The following LRRC7 variants were observed in gnomAD, a reference collection of about 807,000 sequenced individuals.
The protein encoded by LRRC7 is leucine-rich repeat-containing protein 7.
Under a neutral mutation model 175.7 loss-of-function variants are expected in LRRC7, and 23 were observed. That is an observed-to-expected ratio of 0.13 (90% confidence interval 0.09 to 0.19). LRRC7 has a LOEUF of 0.19. LRRC7 is among the 10% of genes least tolerant of loss of function. The pLI is 1.00. For synonymous variants in LRRC7, 685 were observed against 680.9 expected (o/e 1.01, Z -0.09); for missense variants, 1,354 against 1,904.7 (o/e 0.71, Z 5.38).
chr1:69,878,730 A>G (rs1196780225), intron 7 of LRRC7, among the ~76,000 whole-genome samples: 1 of 151,724 alleles, frequency 6.6e-6, no homozygotes, highest in East Asian at 1.9e-4. Flanking sequence ...TAATGCAGCT[A>G]ATGGGATAAA....
intron 1 of LRRC7, among the ~76,000 whole-genome samples, chr1:69,613,755 A>G (rs1241017374): frequency 6.6e-6 from 1 of 152,096 alleles, no homozygotes; most frequent in Non-Finnish European, 1.5e-5. Flanking sequence ...AGATTTGGCA[A>G]GCAGAAGCAT....
rs760146345 is a variant in LRRC7, at chr1:70,012,952, T to G, written c.1135-22T>G. The G allele has an allele frequency of 3.1e-5, 41 of 1,304,660 alleles. 1 individual carries two copies. In the South Asian group the frequency reaches 5.7e-4, roughly 18 times the overall value. 80.8% of individuals were successfully genotyped at this position (1,304,660 alleles called of 1,614,324 possible). ...AGTATTGTGGTCTGATTTTTTTACC[T>G]ATTTTCTTTTGTTACCTACAGATTG... On this transcript the variant is annotated intron_variant, in intron 12 of 26. Coordinates refer to ENST00000651989, the MANE Select transcript of LRRC7 (RefSeq NM_001370785.2).
chr1:70,141,776 C>CTT lies in LRRC7; in HGVS notation c.*19890_*19891dup, dbSNP rs2102291423. ...ATTTTCCTATATTAAGAAAAGGTTT[C>CTT]TTATATTGAAAACTTTTATGGTGAC... On this transcript the variant is annotated 3_prime_UTR_variant, in exon 27 of 27. Coordinates refer to ENST00000651989, the MANE Select transcript of LRRC7 (RefSeq NM_001370785.2). 6.6e-6 allele frequency: 1 copy of CTT among 152,108 alleles called. No homozygotes were observed. The highest frequency in any genetic ancestry group is 2.1e-4 in the South Asian group (1 of 4,820). The allele number at this position is 152,108 out of a possible 1,614,324, so 9.4% of individuals were successfully genotyped here. A position where few individuals can be genotyped will look rare whatever the true frequency, so the allele number is the denominator to read the frequency against.
chr1:69,650,557 C>T (rs559424604), intron 1 of LRRC7, among the ~76,000 whole-genome samples: 3 of 90,870 alleles, frequency 3.3e-5, no homozygotes, highest in Admixed American at 2.1e-4. Flanking sequence ...AAAAAAAATG[C>T]CAAGCATCTT....
At chr1:69,860,206 T>A (rs575931267) in intron 7 of LRRC7, among the ~76,000 whole-genome samples, 1 of 152,144 alleles carries the variant, frequency 6.6e-6, no homozygotes, top group Non-Finnish European at 1.5e-5. Flanking sequence ...TGGCATTGTA[T>A]TTTTTGTTTG....
rs773005892 is a variant in LRRC7, at chr1:70,125,057, A to T, written c.*3170A>T. Among the ~76,000 whole-genome samples, 1 of 152,256 alleles carries T rather than the reference A, an allele frequency of 6.6e-6. No homozygotes were observed. Among genetic ancestry groups the T allele is most frequent in the Non-Finnish European group, 1.5e-5 (1 of 68,046 alleles). On this transcript the variant is annotated 3_prime_UTR_variant, in exon 27 of 27. Coordinates refer to ENST00000651989, the MANE Select transcript of LRRC7 (RefSeq NM_001370785.2). ...ATTAAAGCTCTGCTATGATAACTCCAGCCTTCTGATGACAACACAGTAACC... is the reference window on the plus strand; with the variant it reads ...ATTAAAGCTCTGCTATGATAACTCCTGCCTTCTGATGACAACACAGTAACC...
rs544919521 is a variant in LRRC7 at position 70,136,369 on chromosome 1, C to T, written c.*14482C>T. Among the ~76,000 whole-genome samples, 7 of 152,116 alleles carry T rather than the reference C, an allele frequency of 4.6e-5. No individual in the cohort carries two copies. The highest frequency in any genetic ancestry group is 2.1e-4 in the South Asian group (1 of 4,810). On this transcript the variant is annotated 3_prime_UTR_variant, in exon 27 of 27. Transcript: ENST00000651989. ...AGTAATTCTCTTGTAAGTCTGCCTCCGGACCATTCTAAGGTTTGTCCTCTA... is the reference window on the plus strand; with the variant it reads ...AGTAATTCTCTTGTAAGTCTGCCTCTGGACCATTCTAAGGTTTGTCCTCTA...
At chr1:69,951,474 A>G (rs1557924203) in intron 8 of LRRC7, among the ~76,000 whole-genome samples, 1 of 152,212 alleles carries the variant, frequency 6.6e-6, no homozygotes, top group South Asian at 2.1e-4. Flanking sequence ...TTCTGCCATG[A>G]AGCCACATGC....
At chr1:69,597,482 T>C (rs571784056) in intron 1 of LRRC7, among the ~76,000 whole-genome samples, 1 of 152,310 alleles carries the variant, frequency 6.6e-6, no homozygotes, top group Admixed American at 6.5e-5. Flanking sequence ...CCCACTCTTC[T>C]AGGTTTCTAC....
intron 2 of LRRC7, among the ~76,000 whole-genome samples, chr1:69,737,068 C>T (rs1437849854): frequency 6.6e-6 from 1 of 152,050 alleles, no homozygotes; most frequent in African/African-American, 2.4e-5. Flanking sequence ...AATTATTATA[C>T]TGTAAGCTAC....
At chr1:69,585,445 T>G (rs1018850509) in intron 1 of LRRC7, among the ~76,000 whole-genome samples, 4 of 152,148 alleles carry the variant, frequency 2.6e-5, no homozygotes, top group Admixed American at 2.6e-4. Context: ...ATCAGAAAAA[T>G]TCTGTGTTGT....
chr1:69,934,494 C>CTGGGG (rs1491327780), intron 8 of LRRC7, among the ~76,000 whole-genome samples: 2 of 46,560 alleles, frequency 4.3e-5, no homozygotes, highest in African/African-American at 8.0e-5. Context: ...GATATTTTGG[C>CTGGGG]GGGGGGGGGG....
intron 3 of LRRC7, among the ~76,000 whole-genome samples, chr1:69,783,625 G>A (rs568036910): frequency 2.0e-5 from 3 of 151,746 alleles, no homozygotes; most frequent in African/African-American, 4.8e-5. Context: ...GGTGGCGAGC[G>A]TCTATAATCC....
rs554690488 is a variant in LRRC7, at chr1:70,122,940, T to G, written c.*1053T>G. 2 of 152,664 alleles carry G rather than the reference T, an allele frequency of 1.3e-5. No individual in the cohort carries two copies. Among genetic ancestry groups the G allele is most frequent in the East Asian group, 3.9e-4 (2 of 5,192 alleles). 9.5% of individuals were successfully genotyped at this position (152,664 alleles called of 1,614,324 possible). ...GGTAGGTGATTTTAAATCCTTGGTA[T>G]TTAAATATGAAACTTCAAATATAAT... On this transcript the variant is annotated 3_prime_UTR_variant, in exon 27 of 27. Coordinates refer to ENST00000651989, the MANE Select transcript of LRRC7 (RefSeq NM_001370785.2).
In LRRC7 at chr1:69,914,079, T is replaced by C. The variant is rs1242995978; in HGVS notation, c.648-17428T>C. Among the ~76,000 whole-genome samples the C allele has an allele frequency of 2.6e-5, 4 of 152,094 alleles. No homozygotes were observed. In the East Asian group the frequency reaches 7.7e-4, roughly 29 times the overall value. The stretch of plus-strand genomic sequence containing the variant: ...TTAAGAGAGAGACATCAGACAGCAA[T>C]AACTGGGAGAAGTTTTCCTGTCCTT... On this transcript the variant is annotated intron_variant, in intron 7 of 26. Coordinates refer to ENST00000651989, the MANE Select transcript of LRRC7 (RefSeq NM_001370785.2).
chr1:69,848,328 A>G (rs1291691349), intron 7 of LRRC7, among the ~76,000 whole-genome samples: 1 of 152,052 alleles, frequency 6.6e-6, no homozygotes, highest in African/African-American at 2.4e-5. Flanking sequence ...TCCCTACCCA[A>G]CTGCAGATTT....
intron 3 of LRRC7, among the ~76,000 whole-genome samples, chr1:69,767,168 T>G (rs1671712787): frequency 6.6e-6 from 1 of 152,190 alleles, no homozygotes; most frequent in African/African-American, 2.4e-5. Context: ...GCATCATGTT[T>G]TCAGGGTTCA....
intron 1 of LRRC7, among the ~76,000 whole-genome samples, chr1:69,611,094 T>G (rs941510512): frequency 2.6e-5 from 4 of 152,028 alleles, no homozygotes; most frequent in African/African-American, 7.2e-5. Flanking sequence ...CAACAGCTCT[T>G]TTAAACTTTA....
chr1:69,834,913 G>A, intron 6 of LRRC7, 44 bp downstream of exon 6: 1 of 1,489,304 alleles, frequency 6.7e-7, no homozygotes, highest in Non-Finnish European at 9.3e-7. Context: ...TCTCACCTTA[G>A]GTAAGTGCTT....
Sources: gnomAD v4.1 joint callset for allele counts (sites outside exome capture counted in the v4.1 genomes callset) on GRCh38, gnomAD v4.1.1 for gene constraint, MANE v1.5 for transcripts, NCBI Gene and HGNC (gene_info 2026-07-23, HGNC 2026-07-21) for gene names.